IL7R: variants seen among roughly 807,000 people sequenced by gnomAD.
IL7R encodes the protein interleukin-7 receptor subunit alpha.
In IL7R, 38 loss-of-function variants were observed where a neutral mutation model predicts 47.0. The observed-to-expected ratio is 0.81, with a 90% confidence interval of 0.62 to 1.06. The LOEUF (loss-of-function observed/expected upper bound fraction) is 1.06. IL7R is among the 50% of genes least tolerant of loss of function. IL7R has a pLI of 0.00. For missense variants in IL7R, 633 were observed against 534.8 expected (o/e 1.18, Z -1.81); for synonymous variants, 221 against 199.8 (o/e 1.11, Z -0.89).
At chr5:35,875,007 T>A (rs1713268284) in intron 6 of IL7R, among the ~76,000 whole-genome samples, 1 of 152,156 alleles carries the variant, frequency 6.6e-6, no homozygotes, top group Admixed American at 6.5e-5. Context: ...AGGCTACATA[T>A]CCCCAGGATT....
At chr5:35,873,367 A>G (rs1344029074) in intron 4 of IL7R, 113 bp from the exon 5 acceptor site, 1 of 904,282 alleles carries the variant, frequency 1.1e-6, no homozygotes, top group African/African-American at 1.7e-5. Flanking sequence ...CAAATACGAG[A>G]CAACTTCAGA....
intron 7 of IL7R, 191 bp from the exon 8 acceptor site, chr5:35,875,792 G>A (rs1580864186): frequency 5.2e-6 from 4 of 768,388 alleles, no homozygotes; most frequent in African/African-American, 3.5e-5. Context: ...GGGCTGGAGG[G>A]CACAGCCAGT....
intron 3 of IL7R, among the ~76,000 whole-genome samples, chr5:35,868,787 C>A (rs1471731543): frequency 6.6e-6 from 1 of 152,198 alleles, no homozygotes. Flanking sequence ...AACTCCACAC[C>A]AGCATGCAAG....
chr5:35,875,153 A>G (rs142451703), intron 6 of IL7R, among the ~76,000 whole-genome samples: 1 of 152,338 alleles, frequency 6.6e-6, no homozygotes, highest in East Asian at 1.9e-4. Flanking sequence ...TAAAAAGACA[A>G]CACTTAAATT....
At position 35,875,701 on chromosome 5, in the gene IL7R, G is replaced by A. The variant is rs114527206; in HGVS notation, c.876+114G>A. On this transcript the variant is annotated intron_variant, in intron 7 of 7. Coordinates refer to ENST00000303115, the MANE Select transcript of IL7R (RefSeq NM_002185.5). ...CACCTTTTGGTATTTGATTCATCCT[G>A]TAACTAGGGTCCCTCCTAAGACCCT... is the stretch of plus-strand genomic sequence containing the variant. The A allele has an allele frequency of 5.4e-5, 47 of 877,406 alleles. No homozygotes were observed. In the African/African-American group the frequency reaches 7.1e-4, roughly 13 times the overall value. The allele number at this position is 877,406 out of a possible 1,614,324, so 54.4% of individuals were successfully genotyped here. A position where few individuals can be genotyped will look rare whatever the true frequency, so the allele number is the denominator to read the frequency against.
chr5:35,879,481 G>A lies in IL7R; in HGVS notation c.*2995G>A, dbSNP rs72742450. The A allele has an allele frequency of 0.047, 10,923 of 232,388 alleles. 341 individuals carry two copies. Among genetic ancestry groups the A allele is most frequent in the Non-Finnish European group, 0.067 (7,921 of 117,484 alleles). 14.4% of individuals were successfully genotyped at this position (232,388 alleles called of 1,614,324 possible). ...AATATCCATTGTTCACTACAGTGAA[G>A]ATCTCTGATTTAACCGTGTACTATC... On this transcript the variant is annotated 3_prime_UTR_variant, in exon 8 of 8. Transcript: ENST00000303115.
At chr5:35,870,893 C>A (rs777101143) in intron 3 of IL7R, among the ~76,000 whole-genome samples, 163 bp from the exon 4 acceptor site, 4 of 152,150 alleles carry the variant, frequency 2.6e-5, no homozygotes, top group Non-Finnish European at 5.9e-5. Context: ...CTGGAGAATG[C>A]GGACTGGATT....
chr5:35,867,392 G>C lies in IL7R; in HGVS notation c.308G>C (p.Gly103Ala), dbSNP rs776441054. The change falls in exon 3 of 8, where the codon GGA becomes GCA. Residue 103 changes from glycine to alanine, a missense_variant. Gly to Ala is a moderately conservative substitution (Grantham distance 60). Coordinates refer to ENST00000303115, the MANE Select transcript of IL7R (RefSeq NM_002185.5). ...GAGACAAAGAAATTCTTACTGATTGGAAAGAGCAATATATGTGTGAAGGTT... is the reference window on the plus strand; with the variant it reads ...GAGACAAAGAAATTCTTACTGATTGCAAAGAGCAATATATGTGTGAAGGTT... ...FIETKKFLLI[G>A]KSNICVKVGE... The C allele has an allele frequency of 6.2e-6, 10 of 1,613,326 alleles. No individual in the cohort carries two copies. The highest frequency in any genetic ancestry group is 1.3e-5 in the African/African-American group (1 of 74,874).
intron 4 of IL7R, 52 bp downstream of exon 4, chr5:35,871,265 T>A: frequency 2.0e-6 from 3 of 1,476,464 alleles, no homozygotes; most frequent in Non-Finnish European, 2.8e-6. Flanking sequence ...TGTTTTCTAT[T>A]TTGTTGGCCT....
Position 35,876,615 on chromosome 5 carries a change from A to C in IL7R, c.*129A>C. The stretch of plus-strand genomic sequence containing the variant: ...GCAAAACCCCACTACACAGTCTGCA[A>C]GATTCTGAAACATTGCTTTGACCAC... On this transcript the variant is annotated 3_prime_UTR_variant, in exon 8 of 8. Coordinates refer to ENST00000303115, the MANE Select transcript of IL7R (RefSeq NM_002185.5). The C allele has an allele frequency of 1.0e-6, 1 of 957,480 alleles. No individual in the cohort carries two copies. 59.3% of individuals were successfully genotyped at this position (957,480 alleles called of 1,614,324 possible).
chr5:35,869,233 C>A (rs1760012356), intron 3 of IL7R, among the ~76,000 whole-genome samples: 2 of 152,300 alleles, frequency 1.3e-5, no homozygotes, highest in South Asian at 4.1e-4. Context: ...CATCTTCCAA[C>A]CCAGTAAGGC....
chr5:35,861,337 G>T (rs528221817), intron 2 of IL7R, among the ~76,000 whole-genome samples: 1 of 152,200 alleles, frequency 6.6e-6, no homozygotes, highest in East Asian at 1.9e-4. Flanking sequence ...GTGTCTTCAA[G>T]TTGCATCTGA....
chr5:35,861,644 A>C (rs1311203689), intron 2 of IL7R, among the ~76,000 whole-genome samples: 6 of 152,278 alleles, frequency 3.9e-5, no homozygotes, highest in African/African-American at 1.4e-4. Context: ...TAAATTTTCC[A>C]AAAATCCACA....
chr5:35,858,340 T>A lies in IL7R; in HGVS notation c.82+1281T>A, dbSNP rs987036012. Among the ~76,000 whole-genome samples, 10 of 152,250 alleles carry A rather than the reference T, an allele frequency of 6.6e-5. No individual in the cohort carries two copies. In the East Asian group the frequency reaches 1.9e-3, roughly 29 times the overall value. ...ACATTCAGTTGCTGCTTGTTGAAAGTTGTCAATTTTCTGATCATCACAAGG... is the reference window on the plus strand; with the variant it reads ...ACATTCAGTTGCTGCTTGTTGAAAGATGTCAATTTTCTGATCATCACAAGG... On this transcript the variant is annotated intron_variant, in intron 1 of 7. Transcript: ENST00000303115.
intron 3 of IL7R, among the ~76,000 whole-genome samples, chr5:35,868,593 G>A (rs1443409274): frequency 6.6e-6 from 1 of 152,156 alleles, no homozygotes; most frequent in Non-Finnish European, 1.5e-5. Context: ...GTATCTCTGA[G>A]GTTATAAAAA....
intron 2 of IL7R, among the ~76,000 whole-genome samples, chr5:35,863,550 A>G (rs1163342878): frequency 2.6e-5 from 4 of 152,210 alleles, no homozygotes; most frequent in Admixed American, 6.5e-5. Flanking sequence ...TTCCTAGAAC[A>G]CACTCCTTAG....
rs1760062980 is a variant in IL7R, at chr5:35,871,101, G to T, written c.425G>T (p.Gly142Val). ...GACCTGAGTGTCGTCTATCGGGAAG[G>T]AGCCAATGACTTTGTGGTGACATTT... Reference protein sequence around the residue: ...PFDLSVVYREGANDFVVTFNT... With the variant: ...PFDLSVVYREVANDFVVTFNT... Residue 142 changes from glycine (G) to valine (V), a missense_variant, in exon 4 of 8, where the codon GGA becomes GTA. By Grantham distance (109) the Gly-to-Val change is moderately radical (BLOSUM62 -3). Transcript: ENST00000303115. 1 of 1,612,568 alleles carries T rather than the reference G, an allele frequency of 6.2e-7. No individual in the cohort carries two copies. The highest frequency in any genetic ancestry group is 8.5e-7 in the Non-Finnish European group (1 of 1,178,608).
intron 4 of IL7R, chr5:35,873,267 C>A: frequency 3.3e-6 from 2 of 602,508 alleles, no homozygotes; most frequent in Non-Finnish European, 6.0e-6. Context: ...TCACTCTCCT[C>A]CTTGACCACT....
chr5:35,875,458 G>A (rs1463929998), intron 6 of IL7R, 54 bp from the exon 7 acceptor site: 1 of 1,187,920 alleles, frequency 8.4e-7, no homozygotes, highest in Non-Finnish European at 1.3e-6. Flanking sequence ...GGAAGACTCA[G>A]TGTGCCTGTG....
Sources: gnomAD v4.1 joint callset for allele counts (sites outside exome capture counted in the v4.1 genomes callset) on GRCh38, gnomAD v4.1.1 for gene constraint, MANE v1.5 for transcripts, NCBI Gene and HGNC (gene_info 2026-07-23, HGNC 2026-07-21) for gene names.